Variants in DYM observed in about 807,000 individuals in gnomAD.
The protein encoded by DYM is dyggve-Melchior-Clausen syndrome protein.
In DYM, 78 loss-of-function variants were observed where a neutral mutation model predicts 93.1. The ratio of observed to expected loss-of-function variants is 0.84; its 90% CI spans 0.70 to 1.01. The LOEUF (loss-of-function observed/expected upper bound fraction) is 1.01. DYM is among the 50% of genes least tolerant of loss of function. DYM has a pLI of 0.00. For missense variants in DYM, 789 were observed against 845.0 expected, an observed-to-expected ratio of 0.93 and a Z score of 0.82; for synonymous variants, 321 against 319.7, an observed-to-expected ratio of 1.00 and a Z score of -0.04.
At chr18:49,420,897 C>T (rs2073612177) in intron 2 of DYM, among the ~76,000 whole-genome samples, 1 of 152,160 alleles carries the variant, frequency 6.6e-6, no homozygotes, top group Non-Finnish European at 1.5e-5. Context: ...CCCACACCCA[C>T]GGAGCCTTGC....
At chr18:49,138,815 C>T (rs2144340726) in intron 15 of DYM, among the ~76,000 whole-genome samples, 1 of 152,114 alleles carries the variant, frequency 6.6e-6, no homozygotes, top group South Asian at 2.1e-4. Context: ...TAGACTGAGA[C>T]CTGAATACAG....
At chr18:49,056,139 C>T (rs1273074154) in intron 17 of DYM, among the ~76,000 whole-genome samples, 1 of 152,158 alleles carries the variant, frequency 6.6e-6, no homozygotes, top group Admixed American at 6.5e-5. Context: ...ACCCTCTGCT[C>T]CCACTTTCCT....
At chr18:49,146,132 A>C (rs2085108857) in intron 15 of DYM, among the ~76,000 whole-genome samples, 1 of 152,198 alleles carries the variant, frequency 6.6e-6, no homozygotes, top group South Asian at 2.1e-4. Flanking sequence ...GGGTAACCTC[A>C]AGGAAATGAT....
intron 8 of DYM, among the ~76,000 whole-genome samples, chr18:49,306,064 C>G (rs1483187290): frequency 1.3e-5 from 2 of 152,106 alleles, no homozygotes; most frequent in African/African-American, 2.4e-5. Flanking sequence ...TCAGATACAG[C>G]TGAAAAGAAG....
In DYM at chr18:49,111,550, T is replaced by G. The variant is rs557622933; in HGVS notation, c.1911+7194A>C. Reference sequence around the variant, plus strand: ...AGGCTTGGAGGTTGAGCTGATTCACTCAGAAGGTGAGCTAAATTTGAGTTT... The same window carrying G: ...AGGCTTGGAGGTTGAGCTGATTCACGCAGAAGGTGAGCTAAATTTGAGTTT... On this transcript the variant is annotated intron_variant, in intron 16 of 17. Transcript: ENST00000675505. Among the ~76,000 whole-genome samples the G allele has an allele frequency of 9.2e-5, 14 of 152,332 alleles. No individual in the cohort carries two copies. In the South Asian group the frequency reaches 2.7e-3, roughly 29 times the overall value.
intron 15 of DYM, among the ~76,000 whole-genome samples, chr18:49,143,199 A>C (rs1200318322): frequency 6.6e-6 from 1 of 152,224 alleles, no homozygotes; most frequent in Non-Finnish European, 1.5e-5. Context: ...GAGCACAGTA[A>C]CTTCTCTAAG....
chr18:49,217,591 G>A (rs945356989), intron 13 of DYM, among the ~76,000 whole-genome samples: 3 of 152,192 alleles, frequency 2.0e-5, no homozygotes, highest in Non-Finnish European at 2.9e-5. Flanking sequence ...GAGAGTGGGG[G>A]ACAATAGTCA....
Position 49,050,081 on chromosome 18 carries a change from T to TA in DYM, c.2026-5878_2026-5877insT, listed in dbSNP as rs1491336831. ...TAAGGTGGACAGAGAGGTAACTTCC[T>TA]TTTTTTTTTTTTTTTTTTTTTTAAG... On this transcript the variant is annotated intron_variant, in intron 17 of 17. Transcript: ENST00000675505. Among the ~76,000 whole-genome samples the TA allele has an allele frequency of 4.8e-5, 3 of 62,036 alleles. No homozygotes were observed. The East Asian group carries it at 3.0e-3, about 62-fold the overall frequency. The allele number at this position is 62,036 out of a possible 152,430, so 40.7% of individuals were successfully genotyped here.
chr18:49,245,321 T>C (rs923478012), intron 13 of DYM, among the ~76,000 whole-genome samples: 1 of 152,190 alleles, frequency 6.6e-6, no homozygotes, highest in Non-Finnish European at 1.5e-5. Flanking sequence ...CAAGGAAAGA[T>C]AACCATAAGG....
intron 14 of DYM, chr18:49,208,636 T>G (rs1430314163): frequency 6.6e-6 from 1 of 152,208 alleles, no homozygotes; most frequent in Non-Finnish European, 1.5e-5. Flanking sequence ...GTCTCAAGTT[T>G]TATATGTTTC....
intron 15 of DYM, among the ~76,000 whole-genome samples, chr18:49,153,994 A>G (rs755335677): frequency 1.3e-5 from 2 of 152,212 alleles, no homozygotes; most frequent in Non-Finnish European, 1.5e-5. Context: ...CACCAGTAAT[A>G]CATATCAATA....
intron 2 of DYM, among the ~76,000 whole-genome samples, chr18:49,412,528 C>G (rs1040329182): frequency 6.6e-6 from 1 of 151,942 alleles, no homozygotes; most frequent in Admixed American, 6.6e-5. Context: ...AATAAGATGC[C>G]AAGAAAAGTC....
chr18:49,419,704 C>CA (rs1249441834), intron 2 of DYM, among the ~76,000 whole-genome samples: 1 of 152,182 alleles, frequency 6.6e-6, no homozygotes, highest in Non-Finnish European at 1.5e-5. Context: ...AAATTGTCTT[C>CA]AATCTATAGG....
chr18:49,277,576 C>T (rs556145120), intron 10 of DYM, among the ~76,000 whole-genome samples: 207 of 152,182 alleles, frequency 1.4e-3, no homozygotes, highest in Middle Eastern at 6.8e-3. Context: ...GGGGTGGAGC[C>T]CTCATGACGG....
chr18:49,327,040 G>A (rs1473792162), intron 8 of DYM, among the ~76,000 whole-genome samples: 1 of 120,492 alleles, frequency 8.3e-6, no homozygotes, highest in Admixed American at 8.8e-5. Context: ...TGTGTGTGGT[G>A]GGGGGAGAGA....
chr18:49,112,027 GT>G (rs1228519959), intron 16 of DYM, among the ~76,000 whole-genome samples: 1 of 151,928 alleles, frequency 6.6e-6, no homozygotes, highest in African/African-American at 2.4e-5. Flanking sequence ...GAAGTAGAGA[GT>G]TTTTTTGTTT....
At chr18:49,269,095 A>G (rs1224385904) in intron 11 of DYM, among the ~76,000 whole-genome samples, 3 of 152,188 alleles carry the variant, frequency 2.0e-5, no homozygotes, top group Non-Finnish European at 2.9e-5. Context: ...AAGAACTCAC[A>G]CAACTCAATA....
chr18:49,402,766 C>G (rs2071002121), intron 2 of DYM, among the ~76,000 whole-genome samples: 1 of 152,220 alleles, frequency 6.6e-6, no homozygotes, highest in African/African-American at 2.4e-5. Flanking sequence ...AGTTTAACCA[C>G]TGCCATCAAT....
At chr18:49,255,226 A>G (rs1183341558) in intron 13 of DYM, among the ~76,000 whole-genome samples, 2 of 152,232 alleles carry the variant, frequency 1.3e-5, no homozygotes, top group African/African-American at 4.8e-5. Context: ...AGTTGTTATC[A>G]CCACCAATGA....
Sources: allele counts gnomAD v4.1 joint callset (sites outside exome capture counted in the v4.1 genomes callset), GRCh38; gene constraint gnomAD v4.1.1; transcripts MANE v1.5; gene names NCBI Gene and HGNC (gene_info 2026-07-23, HGNC 2026-07-21).